The following ANKAR variants were observed in gnomAD, a reference collection of about 807,000 sequenced individuals.
ANKAR encodes the protein ankyrin and armadillo repeat-containing protein.
In ANKAR, 136 loss-of-function variants were observed where a neutral mutation model predicts 146.2. The observed-to-expected ratio is 0.93, with a 90% CI of 0.81 to 1.07. The LOEUF (loss-of-function observed/expected upper bound fraction) is 1.07. Among genes scored for constraint, ANKAR ranks in the 50% least tolerant of loss-of-function variants. The pLI, the probability that ANKAR is intolerant of heterozygous loss-of-function variation, is 0.00. For synonymous variants in ANKAR, 500 were observed against 575.8 expected (o/e 0.87, Z 1.88); for missense variants, 1,567 against 1,679.9 (o/e 0.93, Z 1.18).
At chr2:189,759,356 C>T (rs967782496) in intron 18 of ANKAR, among the ~76,000 whole-genome samples, 16 of 152,084 alleles carry the variant, frequency 1.1e-4, no homozygotes, top group African/African-American at 2.9e-4. Flanking sequence ...TCACGCCATT[C>T]TCCTGCCTCA....
At chr2:189,760,710 G>T (rs1337500418) in intron 18 of ANKAR, among the ~76,000 whole-genome samples, 2 of 151,796 alleles carry the variant, frequency 1.3e-5, no homozygotes, top group African/African-American at 4.8e-5. Context: ...GGAATCGTTT[G>T]AACTCGAGAG....
chr2:189,732,539 T>C (rs141353597), intron 16 of ANKAR, among the ~76,000 whole-genome samples: 1,571 of 151,780 alleles, frequency 0.01, 33 homozygotes, highest in African/African-American at 0.036. Flanking sequence ...TGCGCACCTG[T>C]AATCCCAGCT....
Position 189,738,667 on chromosome 2 carries a change from A to G in ANKAR, c.3685A>G (p.Thr1229Ala), listed in dbSNP as rs773286422. ...TAGTCTGTATTCAGTTCAGACTTCT[A>G]CTATTGTCTTGACAGGTAAGAAATG... ...VDSLYSVQTS[T>A]IVLTGNLIAS... Residue 1229 changes from threonine to alanine, a missense_variant, in exon 19 of 23, where the codon ACT becomes GCT. Coordinates refer to ENST00000684021, the MANE Select transcript of ANKAR (RefSeq NM_001378068.1). 3.1e-6 allele frequency: 5 copies of G among 1,598,196 alleles called. No individual in the cohort carries two copies. In the South Asian group the frequency reaches 3.4e-5, roughly 11 times the overall value.
At chr2:189,752,714 C>T (rs767725539) in intron 18 of ANKAR, 11 of 1,613,854 alleles carry the variant, frequency 6.8e-6, no homozygotes, top group Non-Finnish European at 9.3e-6. Flanking sequence ...CGTAGTCTTT[C>T]AATACCATTC....
intron 2 of ANKAR, among the ~76,000 whole-genome samples, chr2:189,682,286 T>G (rs2034820790): frequency 6.6e-6 from 1 of 151,864 alleles, no homozygotes; most frequent in South Asian, 2.1e-4. Context: ...GGAAACATAG[T>G]GAGACCCCCA....
chr2:189,743,382 A>G lies in ANKAR; in HGVS notation c.3918A>G (p.Ile1306Met). Residue 1306 changes from isoleucine (I) to methionine (M), a missense_variant, in exon 21 of 23, where the codon ATA becomes ATG. Physicochemically the swap from Ile to Met is conservative, Grantham distance 10. Coordinates refer to ENST00000684021, the MANE Select transcript of ANKAR (RefSeq NM_001378068.1). Reference protein sequence around the residue: ...CRNKPNQFIRIKNNISRDASI... With the variant: ...CRNKPNQFIRMKNNISRDASI... The stretch of plus-strand genomic sequence containing the variant: ...ATAAACCTAATCAGTTCATTCGTAT[A>G]AAAAATAATATCAGCAGAGATGCAA... 6.2e-7 allele frequency: 1 copy of G among 1,613,956 alleles called. No homozygotes were observed. Among genetic ancestry groups the G allele is most frequent in the South Asian group, 1.1e-5 (1 of 91,064 alleles).
downstream of ANKAR, among the ~76,000 whole-genome samples, chr2:189,749,178 G>A (rs557559533): frequency 2.0e-5 from 3 of 146,364 alleles, no homozygotes; most frequent in East Asian, 6.1e-4. Context: ...CCTGGCAGAC[G>A]GAGGTTGCAG....
intron 3 of ANKAR, among the ~76,000 whole-genome samples, chr2:189,690,502 G>A (rs2036224422): frequency 6.6e-6 from 1 of 152,156 alleles, no homozygotes; most frequent in Admixed American, 6.5e-5. Context: ...ACTGAAACAG[G>A]CCATGATTAA....
At chr2:189,734,733 G>T (rs980368491) in intron 17 of ANKAR, among the ~76,000 whole-genome samples, 4 of 152,104 alleles carry the variant, frequency 2.6e-5, no homozygotes, top group African/African-American at 4.8e-5. Flanking sequence ...GGAGGTCGAG[G>T]TGGGCAGATC....
Position 189,736,011 on chromosome 2 carries a change from T to A in ANKAR, c.3424-1672T>A, listed in dbSNP as rs117475359. ...CCTGGTAGATAGGTAAATGAAAATATATATGAAGTAAAGAGTTTAAGACAG... is the reference window on the plus strand; with the variant it reads ...CCTGGTAGATAGGTAAATGAAAATAAATATGAAGTAAAGAGTTTAAGACAG... On this transcript the variant is annotated intron_variant, in intron 17 of 22. Coordinates refer to ENST00000684021, the MANE Select transcript of ANKAR (RefSeq NM_001378068.1). Among the ~76,000 whole-genome samples the A allele has an allele frequency of 2.0e-4, 30 of 152,282 alleles. No homozygotes were observed. The East Asian group carries it at 5.8e-3, about 29-fold the overall frequency.
intron 12 of ANKAR, among the ~76,000 whole-genome samples, chr2:189,727,500 G>T (rs1306088110): frequency 7.6e-6 from 1 of 132,032 alleles, no homozygotes; most frequent in Non-Finnish European, 1.5e-5. Context: ...CTCCAGCCTG[G>T]GTGATAGAGC....
chr2:189,738,716 T>C lies in ANKAR; in HGVS notation c.3700+34T>C, dbSNP rs753204361. On this transcript the variant is annotated intron_variant, in intron 19 of 22. Coordinates refer to ENST00000684021, the MANE Select transcript of ANKAR (RefSeq NM_001378068.1). ...TGACTAGAAGTTAATTTTAGCCACA[T>C]AAAACTATTTTCAAAAACAGTTTAT... The C allele has an allele frequency of 1.5e-5, 20 of 1,340,062 alleles. No homozygotes were observed. In the South Asian group the frequency reaches 2.4e-4, roughly 16 times the overall value. 83.0% of individuals were successfully genotyped at this position (1,340,062 alleles called of 1,614,324 possible).
chr2:189,754,073 A>G, intron 18 of ANKAR: 3 of 1,612,346 alleles, frequency 1.9e-6, no homozygotes, highest in Non-Finnish European at 2.5e-6. Flanking sequence ...ACCTGCAGAA[A>G]TGAGCAGCTA....
downstream of ANKAR, chr2:189,763,039 A>G (rs1401095700): frequency 6.1e-6 from 6 of 985,320 alleles, no homozygotes; most frequent in Non-Finnish European, 7.2e-6. Context: ...AAGCTACATT[A>G]AAAAGAAATT....
chr2:189,759,113 T>C (rs1466183701), intron 18 of ANKAR, among the ~76,000 whole-genome samples: 3 of 152,214 alleles, frequency 2.0e-5, no homozygotes, highest in East Asian at 1.9e-4. Context: ...ACCAAGGACT[T>C]TGCAGTACTT....
chr2:189,694,097 G>A (rs1481742794), intron 5 of ANKAR, among the ~76,000 whole-genome samples: 1 of 151,616 alleles, frequency 6.6e-6, no homozygotes, highest in Non-Finnish European at 1.5e-5. Flanking sequence ...AGGCTAGGTG[G>A]CACATGCCTG....
rs560603883 is a variant in ANKAR, at chr2:189,720,881, G to A, written c.2635+94G>A. 13 of 1,041,776 alleles carry A rather than the reference G, an allele frequency of 1.2e-5. No individual in the cohort carries two copies. The South Asian group carries it at 2.1e-4, about 17-fold the overall frequency. The allele number at this position is 1,041,776 out of a possible 1,614,324, so 64.5% of individuals were successfully genotyped here. A position where few individuals can be genotyped will look rare whatever the true frequency, so the allele number is the denominator to read the frequency against. On this transcript the variant is annotated intron_variant, in intron 12 of 22. Coordinates refer to ENST00000684021, the MANE Select transcript of ANKAR (RefSeq NM_001378068.1). ...CTTGTCCTATATGAATAGATGTCCC[G>A]AATCTGTGTTTGAATAGATCTAAAC...
At position 189,696,168 on chromosome 2, in the gene ANKAR, A is replaced by C; in HGVS notation, c.1507A>C (p.Lys503Gln). ...ATTTTAGAGTATTCCATTTGGTATG[A>C]AGTCCGCTGTTGAAAGAGGGTTGTC... is the stretch of plus-strand genomic sequence containing the variant. Reference protein sequence around the residue: ...MKCKSIPFGMKSAVERGLSAV... With the variant: ...MKCKSIPFGMQSAVERGLSAV... The change falls in exon 7 of 23, where the codon AAG becomes CAG. Residue 503 changes from lysine (K) to glutamine (Q), a missense_variant. By Grantham distance (53) the Lys-to-Gln change is moderately conservative. Transcript: ENST00000684021. The C allele has an allele frequency of 6.2e-7, 1 of 1,614,000 alleles. No homozygotes were observed. The highest frequency in any genetic ancestry group is 1.1e-5 in the South Asian group (1 of 91,076).
At chr2:189,696,640 T>A (rs2037252138) in intron 7 of ANKAR, among the ~76,000 whole-genome samples, 1 of 152,206 alleles carries the variant, frequency 6.6e-6, no homozygotes, top group African/African-American at 2.4e-5. Flanking sequence ...TTATTTGCCG[T>A]GGTATACTAA....
Sources: gnomAD v4.1 joint callset for allele counts (sites outside exome capture counted in the v4.1 genomes callset) on GRCh38, gnomAD v4.1.1 for gene constraint, MANE v1.5 for transcripts, NCBI Gene and HGNC (gene_info 2026-07-23, HGNC 2026-07-21) for gene names.